The following HEATR5B variants were observed in gnomAD, a reference collection of about 807,000 sequenced individuals.
The protein encoded by HEATR5B is HEAT repeat-containing protein 5B.
In HEATR5B, 156 loss-of-function variants were observed where a neutral mutation model predicts 224.1. That is an observed-to-expected ratio of 0.70 (90% confidence interval 0.61 to 0.80). The LOEUF (loss-of-function observed/expected upper bound fraction) is 0.80. Among genes scored for constraint, HEATR5B ranks in the 30% least tolerant of loss-of-function variants. The pLI is 0.00. For missense variants in HEATR5B, 2,323 were observed against 2,535.5 expected, an observed-to-expected ratio of 0.92 and a Z score of 1.80; for synonymous variants, 1,027 against 893.0, an observed-to-expected ratio of 1.15 and a Z score of -2.68.
intron 24 of HEATR5B, among the ~76,000 whole-genome samples, chr2:37,024,852 G>T (rs1376586230): frequency 6.6e-6 from 1 of 152,224 alleles, no homozygotes; most frequent in African/African-American, 2.4e-5. Flanking sequence ...CCAGAGTGCT[G>T]CTGCTTCTCT....
intron 8 of HEATR5B, among the ~76,000 whole-genome samples, chr2:37,066,608 G>A (rs560790937): frequency 2.6e-4 from 39 of 152,114 alleles, no homozygotes; most frequent in African/African-American, 9.2e-4. Context: ...GAATCGAAAT[G>A]TGTTTGACAA....
intron 22 of HEATR5B, among the ~76,000 whole-genome samples, chr2:37,030,780 T>C (rs1438561560): frequency 2.0e-5 from 3 of 152,344 alleles, no homozygotes; most frequent in Admixed American, 6.5e-5. Context: ...CTTTATAAAA[T>C]GTGCTCTAGT....
chr2:37,050,355 A>G (rs1206494432), intron 17 of HEATR5B, among the ~76,000 whole-genome samples: 3 of 152,212 alleles, frequency 2.0e-5, no homozygotes, highest in African/African-American at 7.2e-5. Flanking sequence ...TCAGAACGTG[A>G]TCTATAACAC....
intron 18 of HEATR5B, among the ~76,000 whole-genome samples, chr2:37,043,487 G>C (rs1052505475): frequency 6.6e-6 from 1 of 152,204 alleles, no homozygotes; most frequent in Non-Finnish European, 1.5e-5. Flanking sequence ...AACTGGGAAA[G>C]CTTCACTAGA....
At chr2:37,000,885 A>C in intron 32 of HEATR5B, 72 bp from the exon 33 acceptor site, 1 of 1,013,586 alleles carries the variant, frequency 9.9e-7, no homozygotes, top group Non-Finnish European at 1.5e-6. Context: ...CATTGCTTGT[A>C]TTTTTTGCAT....
chr2:37,059,532 C>T (rs1380709855), intron 12 of HEATR5B, among the ~76,000 whole-genome samples: 2 of 136,132 alleles, frequency 1.5e-5, no homozygotes, highest in African/African-American at 5.5e-5. Flanking sequence ...GGCGGAATCT[C>T]GGCTCACTGC....
intron 30 of HEATR5B, among the ~76,000 whole-genome samples, chr2:37,005,151 T>C (rs560197670): frequency 2.6e-4 from 39 of 152,330 alleles, no homozygotes; most frequent in African/African-American, 8.7e-4. Flanking sequence ...ATATCGGCCA[T>C]AGTAAATGGC....
chr2:37,060,755 C>A lies in HEATR5B; in HGVS notation c.1697-22G>T, dbSNP rs200851591. ...GGTCCTAGCCAAGAAAATGAGAATA[C>A]AAAACCATGTATATGTAACATACCT... On this transcript the variant is annotated intron_variant, in intron 11 of 35. Coordinates refer to ENST00000233099, the MANE Select transcript of HEATR5B (RefSeq NM_019024.3). 471 of 1,605,766 alleles carry A rather than the reference C, an allele frequency of 2.9e-4. 3 individuals carry two copies. The Middle Eastern group carries it at 5.3e-3, about 18-fold the overall frequency.
At chr2:37,065,406 T>C (rs1269880235) in intron 9 of HEATR5B, among the ~76,000 whole-genome samples, 1 of 152,000 alleles carries the variant, frequency 6.6e-6, no homozygotes, top group Non-Finnish European at 1.5e-5. Flanking sequence ...CTATGCCTCC[T>C]GGGCTTAAGC....
chr2:36,989,381 G>A (rs1485462622), intron 34 of HEATR5B, among the ~76,000 whole-genome samples: 2 of 152,142 alleles, frequency 1.3e-5, no homozygotes, highest in Non-Finnish European at 2.9e-5. Flanking sequence ...ACCATGCCCG[G>A]CCAATTCCCA....
At chr2:36,999,285 A>G (rs778830964) in intron 33 of HEATR5B, among the ~76,000 whole-genome samples, 8 of 152,168 alleles carry the variant, frequency 5.3e-5, no homozygotes, top group Non-Finnish European at 1.0e-4. Flanking sequence ...GTGGGGGTAC[A>G]ATGGAGTAGT....
At position 37,002,325 on chromosome 2, in the gene HEATR5B, T is replaced by C; in HGVS notation, c.5298A>G (p.Pro1766=). 6.2e-7 allele frequency: 1 copy of C among 1,614,240 alleles called. No individual in the cohort carries two copies. The highest frequency in any genetic ancestry group is 1.1e-5 in the South Asian group (1 of 91,090). ...CCGTACCAGCGGGTGAACAAAGGGA[T>C]GGTAAATCAGAGAGTATGGTAACTG... The part of the protein sequence containing the change: ...AATVTILSDL[P]SLCSPAGCMT... The change falls in exon 32 of 36, where the codon CCA becomes CCG. Residue 1766 remains proline, a synonymous_variant. Coordinates refer to ENST00000233099, the MANE Select transcript of HEATR5B (RefSeq NM_019024.3).
At chr2:37,025,846 G>A (rs1189513380) in intron 24 of HEATR5B, among the ~76,000 whole-genome samples, 2 of 152,080 alleles carry the variant, frequency 1.3e-5, no homozygotes, top group South Asian at 2.1e-4. Context: ...TACTTCCTCT[G>A]ATTCTTTTTA....
rs756530869 is a variant in HEATR5B, at chr2:37,007,179, T to C, written c.4648A>G (p.Thr1550Ala). ...AAACCAGATATTGCTGCTGCTTCTG[T>C]AGACTCTGAGCACGTAAATCCTGTG... ...NSTGFTCSES[T>A]EAAAISGLQK... The change falls in exon 29 of 36, where the codon ACA becomes GCA. Residue 1550 changes from threonine (T) to alanine (A), a missense_variant. Physicochemically the swap from Thr to Ala is moderately conservative, Grantham distance 58 (BLOSUM62 0). Transcript: ENST00000233099. 9 of 1,614,028 alleles carry C rather than the reference T, an allele frequency of 5.6e-6. No homozygotes were observed. In the East Asian group the frequency reaches 1.8e-4, roughly 32 times the overall value.
At chr2:36,987,925 A>T (rs1666053683) in intron 35 of HEATR5B, among the ~76,000 whole-genome samples, 1 of 152,044 alleles carries the variant, frequency 6.6e-6, no homozygotes, top group Non-Finnish European at 1.5e-5. Flanking sequence ...TACAAAAATT[A>T]GCCAGGCATG....
intron 24 of HEATR5B, among the ~76,000 whole-genome samples, chr2:37,023,611 A>G (rs1034842756): frequency 1.3e-5 from 2 of 152,006 alleles, no homozygotes; most frequent in Non-Finnish European, 2.9e-5. Context: ...TCTACTAAAA[A>G]TACAAAAATT....
intron 22 of HEATR5B, among the ~76,000 whole-genome samples, chr2:37,030,110 T>C (rs908622174): frequency 3.9e-5 from 6 of 152,136 alleles, no homozygotes; most frequent in Non-Finnish European, 5.9e-5. Flanking sequence ...GCTTTAAGAA[T>C]GAGTATTATT....
rs1366409548 is a variant in HEATR5B, at chr2:37,062,123, A to G, written c.1585-73T>C. 2.3e-5 allele frequency: 21 copies of G among 910,070 alleles called. No homozygotes were observed. In the South Asian group the frequency reaches 2.9e-4, roughly 12 times the overall value. 56.4% of individuals were successfully genotyped at this position (910,070 alleles called of 1,614,324 possible). A position where few individuals can be genotyped will look rare whatever the true frequency, so the allele number is the denominator to read the frequency against. ...AAATAAGGAAACAGATAACTAGCAT[A>G]CATTACTTAAAAGAAGTTGTTGGCT... is the stretch of plus-strand genomic sequence containing the variant. On this transcript the variant is annotated intron_variant, in intron 10 of 35. Coordinates refer to ENST00000233099, the MANE Select transcript of HEATR5B (RefSeq NM_019024.3).
At chr2:36,991,604 A>C (rs1017984800) in intron 33 of HEATR5B, among the ~76,000 whole-genome samples, 6 of 141,320 alleles carry the variant, frequency 4.2e-5, no homozygotes, top group African/African-American at 1.6e-4. Flanking sequence ...ACTTGAACAG[A>C]AATATAGTAC....
Sources: gnomAD v4.1 joint callset for allele counts (sites outside exome capture counted in the v4.1 genomes callset) on GRCh38, gnomAD v4.1.1 for gene constraint, MANE v1.5 for transcripts, NCBI Gene and HGNC (gene_info 2026-07-23, HGNC 2026-07-21) for gene names.